The following BTG4 variants were observed in gnomAD, a reference collection of about 807,000 sequenced individuals.
The protein encoded by BTG4 is protein BTG4.
BTG4 carries 10 observed loss-of-function variants against 19.3 expected under a neutral mutation model. The ratio of observed to expected loss-of-function variants is 0.52; its 90% CI spans 0.32 to 0.88. BTG4 has a LOEUF of 0.88. Ranked by LOEUF, BTG4 falls within the 40% of genes least tolerant of loss-of-function variation. The pLI, the probability that BTG4 is intolerant of heterozygous loss-of-function variation, is 0.04. For missense variants in BTG4, 238 were observed against 281.9 expected (o/e 0.84, Z 1.11); for synonymous variants, 91 against 95.7 (o/e 0.95, Z 0.29).
At chr11:111,439,536 A>C in the BTG4 span, among the ~76,000 whole-genome samples, 17 of 152,070 alleles carry the variant, frequency 1.1e-4, no homozygotes, top group African/African-American at 4.1e-4. Context: ...CCTTACAGAA[A>C]CATTCATCCC....
At chr11:111,493,016 C>T (rs1226833507), downstream of BTG4, among the ~76,000 whole-genome samples, 2 of 152,088 alleles carry the variant, frequency 1.3e-5, no homozygotes, top group African/African-American at 2.4e-5. Context: ...CATGGGGGCG[C>T]ACGCTTGTAG....
At chr11:111,491,418 A>G (rs1865406723), downstream of BTG4, among the ~76,000 whole-genome samples, 1 of 152,216 alleles carries the variant, frequency 6.6e-6, no homozygotes, top group Non-Finnish European at 1.5e-5. Context: ...TTACAACTGC[A>G]TGTGAATTTA....
the BTG4 span, among the ~76,000 whole-genome samples, chr11:111,433,118 A>G: frequency 1.3e-5 from 2 of 152,250 alleles, no homozygotes; most frequent in South Asian, 4.1e-4. Context: ...ATTCATTAGT[A>G]AACCAGCATC....
chr11:111,467,072 T>A (rs1329237749), downstream of BTG4, among the ~76,000 whole-genome samples: 1 of 152,236 alleles, frequency 6.6e-6, no homozygotes, highest in Non-Finnish European at 1.5e-5. Context: ...CAAAGTCTAA[T>A]CTCTCGAATG....
chr11:111,513,117 C>G (rs1867070960), upstream of BTG4: 2 of 401,638 alleles, frequency 5.0e-6, no homozygotes, highest in Non-Finnish European at 1.1e-5. Context: ...CGGCGTGGGT[C>G]CTGCGCAGCC....
At chr11:111,420,490 G>A in the BTG4 span, among the ~76,000 whole-genome samples, 1 of 152,236 alleles carries the variant, frequency 6.6e-6, no homozygotes, top group South Asian at 2.1e-4. Flanking sequence ...TGTGGACTCT[G>A]CCTTAGCAGA....
At chr11:111,415,457 T>C in the BTG4 span, among the ~76,000 whole-genome samples, 1 of 152,196 alleles carries the variant, frequency 6.6e-6, no homozygotes, top group African/African-American at 2.4e-5. Context: ...CTTCTTCTAT[T>C]TGAAAGCATC....
the BTG4 span, among the ~76,000 whole-genome samples, chr11:111,388,474 C>T: frequency 6.6e-6 from 1 of 151,994 alleles, no homozygotes; most frequent in Non-Finnish European, 1.5e-5. Flanking sequence ...CATTGGAATG[C>T]CCCTAGAATG....
downstream of BTG4, among the ~76,000 whole-genome samples, chr11:111,467,339 A>G (rs543020343): frequency 1.1e-4 from 17 of 152,272 alleles, no homozygotes; most frequent in Non-Finnish European, 2.2e-4. Flanking sequence ...AGTTCTATTT[A>G]GAAAAGTAGT....
the BTG4 span, among the ~76,000 whole-genome samples, chr11:111,454,610 TG>T: frequency 6.6e-6 from 1 of 152,200 alleles, no homozygotes; most frequent in South Asian, 2.1e-4. Flanking sequence ...AGGCCACCAT[TG>T]GAGTTCCTTC....
the BTG4 span, among the ~76,000 whole-genome samples, chr11:111,461,329 G>A: frequency 6.6e-5 from 10 of 152,264 alleles, no homozygotes; most frequent in African/African-American, 2.4e-4. Flanking sequence ...ATTTCCTGCC[G>A]CCACGTGCCT....
At chr11:111,412,251 T>C in the BTG4 span, among the ~76,000 whole-genome samples, 1 of 152,254 alleles carries the variant, frequency 6.6e-6, no homozygotes, top group Non-Finnish European at 1.5e-5. Flanking sequence ...AGTAGGCTGC[T>C]GTGGTTCAAA....
chr11:111,406,542 T>C, the BTG4 span, among the ~76,000 whole-genome samples: 1 of 152,244 alleles, frequency 6.6e-6, no homozygotes. Context: ...GTCATCATTT[T>C]TTCCCATCAC....
chr11:111,405,404 C>CAAAAACAAA, the BTG4 span, among the ~76,000 whole-genome samples: 1 of 53,016 alleles, frequency 1.9e-5, no homozygotes, highest in Non-Finnish European at 3.1e-5. Flanking sequence ...GACTCCGTCT[C>CAAAAACAAA]AAAAAAAAAA....
At position 111,495,318 on chromosome 11, in the gene BTG4, G is replaced by GAA; in HGVS notation, c.511-6_511-5dup. On this transcript the variant is annotated splice_polypyrimidine_tract_variant and splice_region_variant and intron_variant, in intron 4 of 4. Coordinates refer to ENST00000692032, the MANE Select transcript of BTG4 (RefSeq NM_001367975.1). ...AGGGCTGTTTCAAGTTTTCAACCTG[G>GAA]AAAAAAAAAGTATAAAGATCTCTAA... The GAA allele has an allele frequency of 6.3e-7, 1 of 1,584,186 alleles. No individual in the cohort carries two copies.
At chr11:111,476,246 A>C (rs940421254) in intron 5 of BTG4, among the ~76,000 whole-genome samples, 5 of 152,046 alleles carry the variant, frequency 3.3e-5, no homozygotes, top group African/African-American at 7.2e-5. Flanking sequence ...CTTTTTAAAA[A>C]TATTATTTGG....
the BTG4 span, among the ~76,000 whole-genome samples, chr11:111,441,883 A>G: frequency 6.6e-6 from 1 of 151,920 alleles, no homozygotes; most frequent in Non-Finnish European, 1.5e-5. Flanking sequence ...ACATGGTGAA[A>G]CCCCATCTCT....
At chr11:111,477,867 T>C (rs1237639756) in intron 5 of BTG4, among the ~76,000 whole-genome samples, 7 of 152,156 alleles carry the variant, frequency 4.6e-5, no homozygotes, top group African/African-American at 1.7e-4. Flanking sequence ...AAGAAAAAAC[T>C]GGCCCTACCC....
chr11:111,497,469 A>G (rs1305728953), intron 3 of BTG4, 60 bp from the exon 4 acceptor site: 23 of 1,150,618 alleles, frequency 2.0e-5, no homozygotes, highest in South Asian at 2.5e-5. Context: ...AAGATCTCCA[A>G]TCTTTCCTGG....
Sources: allele counts gnomAD v4.1 joint callset (sites outside exome capture counted in the v4.1 genomes callset), GRCh38; gene constraint gnomAD v4.1.1; transcripts MANE v1.5; gene names NCBI Gene and HGNC (gene_info 2026-07-23, HGNC 2026-07-21).